PPEF2: variants seen among roughly 807,000 people sequenced by gnomAD.
PPEF2 encodes the protein serine/threonine-protein phosphatase with EF-hands 2.
A neutral mutation model predicts 84.7 loss-of-function variants in PPEF2; 84 were observed. The ratio of observed to expected loss-of-function variants is 0.99; its 90% CI spans 0.83 to 1.19. The LOEUF (loss-of-function observed/expected upper bound fraction) is 1.19, where lower values mean the gene tolerates loss of function less well. Among genes scored for constraint, PPEF2 ranks in the 50% most tolerant of loss-of-function variants. PPEF2 has a pLI of 0.00. For missense variants in PPEF2, 924 were observed against 937.5 expected (o/e 0.99, Z 0.19); for synonymous variants, 346 against 345.2 (o/e 1.00, Z -0.03).
chr4:75,861,234 A>T lies in PPEF2; in HGVS notation c.2009-314T>A, dbSNP rs530758791. ...ATAAAGGCCAGACATGCTGCCAAACATCTTATAATGCACAAGATGGACCCT... is the reference window on the plus strand; with the variant it reads ...ATAAAGGCCAGACATGCTGCCAAACTTCTTATAATGCACAAGATGGACCCT... On this transcript the variant is annotated intron_variant, in intron 16 of 16. Coordinates refer to ENST00000286719, the MANE Select transcript of PPEF2 (RefSeq NM_006239.3). 3.9e-5 allele frequency among the ~76,000 whole-genome samples: 6 copies of T among 152,248 alleles called. No individual in the cohort carries two copies. The East Asian group carries it at 9.7e-4, about 25-fold the overall frequency.
intron 2 of PPEF2, 62 bp from the exon 3 acceptor site, chr4:75,892,040 G>T (rs530813307): frequency 6.3e-7 from 1 of 1,589,336 alleles, no homozygotes; most frequent in Non-Finnish European, 8.6e-7. Context: ...GGGTTTGGGG[G>T]TAGGGAGAGG....
chr4:75,870,984 T>G lies in PPEF2; in HGVS notation c.1649+1041A>C, dbSNP rs895547889. Among the ~76,000 whole-genome samples the G allele has an allele frequency of 1.4e-4, 6 of 44,438 alleles. No homozygotes were observed. The East Asian group carries it at 3.9e-3, about 29-fold the overall frequency. The allele number at this position is 44,438 out of a possible 152,430, so 29.2% of individuals were successfully genotyped here. ...CAGGCTGGAGTGCAGTGGTGCGATC[T>G]CGGGTCACTGCAACCTCCAACCTCC... is the stretch of plus-strand genomic sequence containing the variant. On this transcript the variant is annotated intron_variant, in intron 13 of 16. Transcript: ENST00000286719.
chr4:75,860,666 C>G lies in PPEF2; in HGVS notation c.*1G>C. The G allele has an allele frequency of 6.2e-7, 1 of 1,613,852 alleles. No homozygotes were observed. The highest frequency in any genetic ancestry group is 1.7e-5 in the Admixed American group (1 of 60,014). On this transcript the variant is annotated 3_prime_UTR_variant, in exon 17 of 17. Coordinates refer to ENST00000286719, the MANE Select transcript of PPEF2 (RefSeq NM_006239.3). ...TTTGGGTGATGAAGACCAGGCTGTT[C>G]TTAGTGTGCACCTGGACTGCTGCAG...
chr4:75,889,918 T>G, intron 5 of PPEF2, 39 bp downstream of exon 5: 1 of 1,603,054 alleles, frequency 6.2e-7, no homozygotes, highest in Non-Finnish European at 8.5e-7. Context: ...ACACATTTCA[T>G]GGAGTTGGTA....
At chr4:75,868,442 G>A (rs1724188359) in intron 13 of PPEF2, among the ~76,000 whole-genome samples, 1 of 151,034 alleles carries the variant, frequency 6.6e-6, no homozygotes, top group South Asian at 2.1e-4. Flanking sequence ...CGTGTTAAAA[G>A]TTAAAAAAAA....
chr4:75,861,487 C>T (rs1486814826), intron 16 of PPEF2, among the ~76,000 whole-genome samples: 1 of 148,752 alleles, frequency 6.7e-6, no homozygotes, highest in East Asian at 2.0e-4. Flanking sequence ...AAGCTAGATA[C>T]CTACCTAACA....
At chr4:75,874,519 G>A (rs893837188) in intron 11 of PPEF2, among the ~76,000 whole-genome samples, 8 of 151,994 alleles carry the variant, frequency 5.3e-5, no homozygotes, top group South Asian at 4.2e-4. Context: ...GTCTGTTCTC[G>A]AATTCCTAAC....
intron 5 of PPEF2, 53 bp from the exon 6 acceptor site, chr4:75,888,381 G>A: frequency 1.5e-6 from 2 of 1,377,548 alleles, no homozygotes; most frequent in Non-Finnish European, 2.1e-6. Flanking sequence ...ATTCGTGAGG[G>A]AAAATGGTCC....
In PPEF2 at chr4:75,876,271, G is replaced by A. The variant is rs751257109; in HGVS notation, c.1320+16C>T. On this transcript the variant is annotated intron_variant, in intron 11 of 16. Transcript: ENST00000286719. ...TGGCAGCCACATGCTAGGAAGCAGC[G>A]CCTGGCCACGCTCACCTGCCTCCAC... 5 of 1,573,980 alleles carry A rather than the reference G, an allele frequency of 3.2e-6. No individual in the cohort carries two copies. The highest frequency in any genetic ancestry group is 2.4e-5 in the South Asian group (2 of 84,902).
At chr4:75,869,626 C>A (rs1026070826) in intron 13 of PPEF2, among the ~76,000 whole-genome samples, 3 of 152,124 alleles carry the variant, frequency 2.0e-5, no homozygotes, top group African/African-American at 7.2e-5. Context: ...GCAGGAGGAT[C>A]ACTTGAGCTC....
At chr4:75,900,104 T>A (rs1341237022) in intron 1 of PPEF2, among the ~76,000 whole-genome samples, 2 of 152,226 alleles carry the variant, frequency 1.3e-5, no homozygotes, top group African/African-American at 4.8e-5. Flanking sequence ...TATTTTAAAA[T>A]ATCAACAACC....
At chr4:75,865,194 C>T (rs921923611) in intron 15 of PPEF2, among the ~76,000 whole-genome samples, 5 of 152,150 alleles carry the variant, frequency 3.3e-5, no homozygotes, top group African/African-American at 1.2e-4. Flanking sequence ...GCCTCGGTCT[C>T]CCAAAGTGCT....
At chr4:75,875,901 C>G (rs1046896619) in intron 11 of PPEF2, among the ~76,000 whole-genome samples, 17 of 152,164 alleles carry the variant, frequency 1.1e-4, no homozygotes, top group African/African-American at 3.9e-4. Context: ...TTCTAGAGAT[C>G]TGGGGACAGC....
intron 2 of PPEF2, 105 bp from the exon 3 acceptor site, chr4:75,892,083 A>G: frequency 7.0e-7 from 1 of 1,426,320 alleles, no homozygotes; most frequent in East Asian, 2.3e-5. Context: ...TGTATATGTG[A>G]GGACAAGATG....
chr4:75,888,274 C>G lies in PPEF2; in HGVS notation c.472G>C (p.Val158Leu), dbSNP rs1724783937. The part of the protein sequence containing the change: ...NLLYETKKHL[V>L]QLPNINRVST... ...ACCCGGTTGATGTTTGGCAGCTGTACCAGATGTTTCTTGGTTTCATACAAA... is the reference window on the plus strand; with the variant it reads ...ACCCGGTTGATGTTTGGCAGCTGTAGCAGATGTTTCTTGGTTTCATACAAA... The change falls in exon 6 of 17, where the codon GTA (valine) becomes CTA (leucine). Residue 158 changes from valine (V) to leucine (L), a missense_variant. By Grantham distance (32) the Val-to-Leu change is conservative. Transcript: ENST00000286719. 2 of 1,614,004 alleles carry G rather than the reference C, an allele frequency of 1.2e-6. No individual in the cohort carries two copies. Among genetic ancestry groups the G allele is most frequent in the South Asian group, 2.2e-5 (2 of 91,070 alleles).
At chr4:75,893,388 C>T (rs1382463106) in intron 2 of PPEF2, among the ~76,000 whole-genome samples, 2 of 152,144 alleles carry the variant, frequency 1.3e-5, no homozygotes, top group Admixed American at 1.3e-4. Context: ...ATCCCAGCTA[C>T]TTGGGAGCCT....
chr4:75,874,614 C>G (rs183693673), intron 11 of PPEF2, among the ~76,000 whole-genome samples: 248 of 152,050 alleles, frequency 1.6e-3, no homozygotes, highest in Non-Finnish European at 3.1e-3. Context: ...TTAATGCTTT[C>G]TAAAAGTACT....
intron 12 of PPEF2, 34 bp downstream of exon 12, chr4:75,873,093 C>A (rs1349758771): frequency 1.3e-6 from 2 of 1,584,378 alleles, no homozygotes; most frequent in East Asian, 2.2e-5. Context: ...TTTGGTGACA[C>A]ACAAGCCTGT....
intron 16 of PPEF2, among the ~76,000 whole-genome samples, chr4:75,863,686 G>A (rs1039737444): frequency 6.6e-6 from 1 of 151,822 alleles, no homozygotes; most frequent in South Asian, 2.1e-4. Context: ...AACAGGATGA[G>A]GATGTACAGG....
Sources: gnomAD v4.1 joint callset for allele counts (sites outside exome capture counted in the v4.1 genomes callset) on GRCh38, gnomAD v4.1.1 for gene constraint, MANE v1.5 for transcripts, NCBI Gene and HGNC (gene_info 2026-07-23, HGNC 2026-07-21) for gene names.